Variants in PTCHD4 observed in about 807,000 individuals in gnomAD.
PTCHD4 encodes the protein patched domain-containing protein 4.
Under a neutral mutation model 58.1 loss-of-function variants are expected in PTCHD4, and 33 were observed. That is an observed-to-expected ratio of 0.57 (90% CI 0.43 to 0.76). PTCHD4 has a LOEUF of 0.76. Among genes scored for constraint, PTCHD4 ranks in the 30% least tolerant of loss-of-function variants. The pLI, the probability that PTCHD4 is intolerant of heterozygous loss-of-function variation, is 0.00. For missense variants in PTCHD4, 1,058 were observed against 1,027.1 expected (o/e 1.03, Z -0.41); for synonymous variants, 478 against 409.6 (o/e 1.17, Z -2.02).
intron 3 of PTCHD4, among the ~76,000 whole-genome samples, chr6:48,013,541 A>G (rs1762764055): frequency 6.6e-6 from 1 of 151,984 alleles, no homozygotes; most frequent in Non-Finnish European, 1.5e-5. Context: ...AAAGGTGGGC[A>G]TGCTTTGAGA....
At chr6:47,947,455 T>C (rs535559108) in intron 4 of PTCHD4, among the ~76,000 whole-genome samples, 12 of 152,230 alleles carry the variant, frequency 7.9e-5, no homozygotes, top group African/African-American at 2.9e-4. Flanking sequence ...TTGAATTACA[T>C]TCATTAGCTC....
intron 4 of PTCHD4, among the ~76,000 whole-genome samples, chr6:48,004,905 A>G (rs2114072276): frequency 6.6e-6 from 1 of 152,168 alleles, no homozygotes; most frequent in South Asian, 2.1e-4. Context: ...TGACAGAGCG[A>G]GACTTCATCT....
intron 1 of PTCHD4, among the ~76,000 whole-genome samples, chr6:48,083,400 TAAG>T (rs1435376543): frequency 6.6e-6 from 1 of 152,154 alleles, no homozygotes; most frequent in East Asian, 1.9e-4. Flanking sequence ...ATAGTTCTAC[TAAG>T]AAGAAGAATG....
chr6:48,108,997 T>A (rs2113921453), intron 1 of PTCHD4, among the ~76,000 whole-genome samples: 1 of 152,202 alleles, frequency 6.6e-6, no homozygotes, highest in Middle Eastern at 3.5e-3. Flanking sequence ...TGTGCAAATT[T>A]ATGGTGATAT....
At chr6:47,911,955 G>A (rs561339654) in intron 4 of PTCHD4, among the ~76,000 whole-genome samples, 20 of 152,200 alleles carry the variant, frequency 1.3e-4, no homozygotes, top group South Asian at 4.1e-4. Flanking sequence ...GAAATAGACT[G>A]AGAAGCAGCA....
chr6:47,986,618 C>A (rs1455394320), intron 4 of PTCHD4, among the ~76,000 whole-genome samples: 1 of 152,244 alleles, frequency 6.6e-6, no homozygotes, highest in East Asian at 1.9e-4. Flanking sequence ...ATAAGAGATT[C>A]TTTATATCTT....
At chr6:48,103,084 C>T (rs1582141481) in intron 1 of PTCHD4, among the ~76,000 whole-genome samples, 1 of 152,248 alleles carries the variant, frequency 6.6e-6, no homozygotes, top group Admixed American at 6.5e-5. Context: ...ATGTCCCTGT[C>T]TGATAGCTTT....
intron 3 of PTCHD4, among the ~76,000 whole-genome samples, chr6:48,063,076 A>C (rs536229275): frequency 6.6e-6 from 1 of 150,554 alleles, no homozygotes; most frequent in Non-Finnish European, 1.5e-5. Context: ...TATCCCATAA[A>C]TTTTTTTTTT....
At chr6:47,934,191 G>A (rs897735826) in intron 4 of PTCHD4, among the ~76,000 whole-genome samples, 34 of 152,204 alleles carry the variant, frequency 2.2e-4, no homozygotes, top group African/African-American at 7.7e-4. Context: ...GGGAGGAGCC[G>A]GGACCCTCCT....
rs913280636 is a variant in PTCHD4 at position 47,868,154 on chromosome 6, G to A, written c.*10149C>T. 6.6e-6 allele frequency among the ~76,000 whole-genome samples: 1 copy of A among 151,376 alleles called. No individual in the cohort carries two copies. The highest frequency in any genetic ancestry group is 2.4e-5 in the African/African-American group (1 of 41,252). On this transcript the variant is annotated 3_prime_UTR_variant, in exon 5 of 5. Transcript: ENST00000339488. ...CAGTTGTTTAGTCCCTTCTTCAACAGTTTTAGATCCGTTTTAAAATTTTTT... is the reference window on the plus strand; with the variant it reads ...CAGTTGTTTAGTCCCTTCTTCAACAATTTTAGATCCGTTTTAAAATTTTTT...
chr6:48,062,308 T>C (rs1200388930), intron 3 of PTCHD4, among the ~76,000 whole-genome samples: 1 of 152,136 alleles, frequency 6.6e-6, no homozygotes, highest in Non-Finnish European at 1.5e-5. Context: ...CCTTATACAC[T>C]TCCATCATGA....
chr6:48,082,405 T>C (rs2113894676), intron 1 of PTCHD4, among the ~76,000 whole-genome samples: 1 of 152,302 alleles, frequency 6.6e-6, no homozygotes, highest in East Asian at 1.9e-4. Flanking sequence ...TTCTGATCTG[T>C]GAACTGGAAT....
chr6:48,099,945 A>G (rs536950239), intron 1 of PTCHD4, among the ~76,000 whole-genome samples: 16 of 152,340 alleles, frequency 1.1e-4, no homozygotes, highest in African/African-American at 3.8e-4. Flanking sequence ...TGGCCATATT[A>G]ATGAAACTGA....
chr6:48,073,795 G>A (rs1259118260), intron 1 of PTCHD4, among the ~76,000 whole-genome samples: 1 of 152,132 alleles, frequency 6.6e-6, no homozygotes, highest in Non-Finnish European at 1.5e-5. Context: ...TGAAATGCAT[G>A]AGAAACATCA....
chr6:48,007,936 G>A (rs561552690), intron 4 of PTCHD4, among the ~76,000 whole-genome samples: 8,452 of 150,330 alleles, frequency 0.056, 316 homozygotes, highest in African/African-American at 0.09. Flanking sequence ...GTGCGCGCGC[G>A]CACACACACA....
chr6:48,068,680 C>T lies in PTCHD4; in HGVS notation c.6-39G>A, dbSNP rs1251214276. On this transcript the variant is annotated intron_variant, in intron 2 of 4. Coordinates refer to ENST00000339488, the MANE Select transcript of PTCHD4 (RefSeq NM_001384253.1). The surrounding 1 kb of genome is among the most constrained non-coding windows in gnomAD (Gnocchi z 4.2). The stretch of plus-strand genomic sequence containing the variant: ...TGTGACATGTGTAAGCGCCGGGCTA[C>T]CCCGTTCTCCCCCATCCCACCCCCT... 2.7e-6 allele frequency: 4 copies of T among 1,500,992 alleles called. No individual in the cohort carries two copies. Among genetic ancestry groups the T allele is most frequent in the South Asian group, 1.3e-5 (1 of 77,698 alleles). The allele number at this position is 1,500,992 out of a possible 1,614,324, so 93.0% of individuals were successfully genotyped here. A position where few individuals can be genotyped will look rare whatever the true frequency, so the allele number is the denominator to read the frequency against.
rs1316825324 is a variant in PTCHD4 at position 47,877,424 on chromosome 6, A to G, written c.*879T>C. Among the ~76,000 whole-genome samples, 4 of 152,076 alleles carry G rather than the reference A, an allele frequency of 2.6e-5. No individual in the cohort carries two copies. Among genetic ancestry groups the G allele is most frequent in the Non-Finnish European group, 5.9e-5 (4 of 67,988 alleles). On this transcript the variant is annotated 3_prime_UTR_variant, in exon 5 of 5. Coordinates refer to ENST00000339488, the MANE Select transcript of PTCHD4 (RefSeq NM_001384253.1). The stretch of plus-strand genomic sequence containing the variant: ...ATACAGTAAAAGCCAACGAAAATCC[A>G]TATCAACTGTTTATTTCTAATATGA...
At chr6:47,981,241 T>A (rs1767871961) in intron 4 of PTCHD4, among the ~76,000 whole-genome samples, 1 of 152,188 alleles carries the variant, frequency 6.6e-6, no homozygotes, top group African/African-American at 2.4e-5. Flanking sequence ...TTTTTGTTCT[T>A]TTTGTTTCAT....
At position 48,068,321 on chromosome 6, in the gene PTCHD4, C is replaced by T; in HGVS notation, c.326G>A (p.Gly109Asp). Residue 109 changes from glycine (G) to aspartate (D), a missense_variant, in exon 3 of 5, where the codon GGC becomes GAC. By Grantham distance (94) the Gly-to-Asp change is moderately conservative (BLOSUM62 -1). Coordinates refer to ENST00000339488, the MANE Select transcript of PTCHD4 (RefSeq NM_001384253.1). The surrounding 1 kb of genome is among the most constrained non-coding windows in gnomAD (Gnocchi z 4.2). ...YSDLHTPGRY[G>D]RVILLSPTGD... ...GGTTGGGGAGAGGAGGATCACCCTGCCATACCTCCCAGGGGTGTGTAAGTC... is the reference window on the plus strand; with the variant it reads ...GGTTGGGGAGAGGAGGATCACCCTGTCATACCTCCCAGGGGTGTGTAAGTC... 6.2e-7 allele frequency: 1 copy of T among 1,613,580 alleles called. No individual in the cohort carries two copies. The highest frequency in any genetic ancestry group is 8.5e-7 in the Non-Finnish European group (1 of 1,179,600).
Sources: gnomAD v4.1 joint callset for allele counts (sites outside exome capture counted in the v4.1 genomes callset) on GRCh38, gnomAD v4.1.1 for gene constraint, Gnocchi (gnomAD v3.1) non-coding constraint, MANE v1.5 for transcripts, NCBI Gene and HGNC (gene_info 2026-07-23, HGNC 2026-07-21) for gene names.